NPAS3: variants seen among roughly 807,000 people sequenced by gnomAD.
NPAS3 encodes neuronal PAS domain-containing protein 3.
NPAS3 carries 14 observed loss-of-function variants against 73.1 expected under a neutral mutation model. That is an observed-to-expected ratio of 0.19 (90% CI 0.13 to 0.30). The LOEUF (loss-of-function observed/expected upper bound fraction) is 0.30. Among genes scored for constraint, NPAS3 ranks in the 10% least tolerant of loss-of-function variants. NPAS3 has a pLI of 1.00. For missense variants in NPAS3, 1,096 were observed against 1,250.0 expected (o/e 0.88, Z 1.86); for synonymous variants, 620 against 541.5 (o/e 1.14, Z -2.01).
At chr14:33,176,125 G>A (rs2045581038) in intron 2 of NPAS3, among the ~76,000 whole-genome samples, 1 of 152,126 alleles carries the variant, frequency 6.6e-6, no homozygotes, top group Non-Finnish European at 1.5e-5. Flanking sequence ...TACACTATTA[G>A]TGAAGTCAAA....
At chr14:33,646,527 C>A (rs781202294) in intron 5 of NPAS3, among the ~76,000 whole-genome samples, 2 of 152,194 alleles carry the variant, frequency 1.3e-5, no homozygotes, top group East Asian at 3.9e-4. Context: ...ATATGAGTAA[C>A]GATGAAATTA....
In NPAS3 at chr14:32,987,226, A is replaced by ATTT. The variant is rs201588607; in HGVS notation, c.50+47876_50+47878dup. 9.1e-3 allele frequency among the ~76,000 whole-genome samples: 1,294 copies of ATTT among 141,902 alleles called. 22 individuals carry two copies. Among genetic ancestry groups the ATTT allele is most frequent in the African/African-American group, 0.03 (1,152 of 38,362 alleles). 93.1% of individuals were successfully genotyped at this position (141,902 alleles called of 152,430 possible). On this transcript the variant is annotated intron_variant, in intron 1 of 11. Transcript: ENST00000356141. The stretch of plus-strand genomic sequence containing the variant: ...TAAAAATACACAAGTTTGTGTCAGA[A>ATTT]TTTTTTTTTTTTTTTTTTAGTGAAT...
chr14:33,425,298 G>A (rs79419206), intron 4 of NPAS3, among the ~76,000 whole-genome samples: 7,496 of 152,068 alleles, frequency 0.049, 285 homozygotes, highest in East Asian at 0.15. Flanking sequence ...AAATGAATGA[G>A]TGAAATAGAG....
In NPAS3 at chr14:33,314,830, T is replaced by TA. The variant is rs756118168; in HGVS notation, c.386-52350dup. ...TTGTGTTGAAAGAAAGCCTCTCTTT[T>TA]AAAAAAGAATAAAGAGTAATATTTC... is the stretch of plus-strand genomic sequence containing the variant. On this transcript the variant is annotated intron_variant, in intron 3 of 11. Coordinates refer to ENST00000356141, the Ensembl canonical transcript of NPAS3. Among the ~76,000 whole-genome samples the TA allele has an allele frequency of 3.9e-5, 6 of 152,040 alleles. 1 individual carries two copies. In the East Asian group the frequency reaches 9.7e-4, roughly 24 times the overall value.
intron 4 of NPAS3, among the ~76,000 whole-genome samples, chr14:33,413,562 A>T (rs750471043): frequency 2.0e-5 from 3 of 152,128 alleles, no homozygotes; most frequent in Non-Finnish European, 2.9e-5. Flanking sequence ...AGCTGAGGAT[A>T]TGGAAGTAAC....
intron 3 of NPAS3, among the ~76,000 whole-genome samples, chr14:33,353,922 T>TTG (rs2045204966): frequency 6.6e-6 from 1 of 152,222 alleles, no homozygotes; most frequent in African/African-American, 2.4e-5. Flanking sequence ...GATCATTATG[T>TTG]TGTTTAAACA....
chr14:32,939,438 G>C, intron 1 of NPAS3, 72 bp downstream of exon 1: 1 of 470,878 alleles, frequency 2.1e-6, no homozygotes. Flanking sequence ...GCCGCCGAGG[G>C]CCCCTCTCCG....
At chr14:33,563,095 A>G (rs2055733808) in intron 5 of NPAS3, among the ~76,000 whole-genome samples, 1 of 152,222 alleles carries the variant, frequency 6.6e-6, no homozygotes, top group African/African-American at 2.4e-5. Context: ...AGACTTGTCC[A>G]GTGAAATTGT....
At position 33,792,420 on chromosome 14, in the gene NPAS3, G is replaced by A. The variant is rs563194007; in HGVS notation, c.1154-1477G>A. Among the ~76,000 whole-genome samples, 27 of 152,196 alleles carry A rather than the reference G, an allele frequency of 1.8e-4. No homozygotes were observed. The South Asian group carries it at 3.7e-3, about 21-fold the overall frequency. On this transcript the variant is annotated intron_variant, in intron 9 of 11. Coordinates refer to ENST00000356141, the Ensembl canonical transcript of NPAS3. ...TGCTGTGAGAAAAAAAAGGAGAATG[G>A]AAGAAAACCTTCCAAGTTTATATGT...
chr14:33,237,702 G>A (rs912860), intron 3 of NPAS3, among the ~76,000 whole-genome samples: 142,480 of 152,008 alleles, frequency 0.94, 66,937 homozygotes, highest in Non-Finnish European at 0.97. Context: ...ACATGCATAC[G>A]TATATATCTA....
intron 1 of NPAS3, among the ~76,000 whole-genome samples, chr14:33,015,147 C>A (rs2039346017): frequency 6.6e-6 from 1 of 152,134 alleles, no homozygotes; most frequent in Non-Finnish European, 1.5e-5. Flanking sequence ...TTCTGCTGAT[C>A]AATGTATTTA....
chr14:33,059,837 T>C (rs1157661381), intron 2 of NPAS3, among the ~76,000 whole-genome samples: 1 of 152,258 alleles, frequency 6.6e-6, no homozygotes, highest in Non-Finnish European at 1.5e-5. Flanking sequence ...GACAGGGTCT[T>C]GCTCTGTTGC....
At chr14:33,784,721 TTTTATTTA>T (rs1555333477) in intron 9 of NPAS3, among the ~76,000 whole-genome samples, 1,809 of 102,802 alleles carry the variant, frequency 0.018, 23 homozygotes, top group Middle Eastern at 0.037. Context: ...TTATTGTTAT[TTTTATTTA>T]TTTATTTATT....
At chr14:33,339,155 C>T (rs2044359510) in intron 3 of NPAS3, among the ~76,000 whole-genome samples, 2 of 152,094 alleles carry the variant, frequency 1.3e-5, no homozygotes, top group African/African-American at 4.8e-5. Context: ...TTCTGTTAGC[C>T]TGCCATTTAT....
At chr14:33,172,114 A>G (rs1380791234) in intron 2 of NPAS3, among the ~76,000 whole-genome samples, 1 of 152,204 alleles carries the variant, frequency 6.6e-6, no homozygotes, top group Non-Finnish European at 1.5e-5. Flanking sequence ...CTGATCACCC[A>G]CCACATAACA....
chr14:33,414,651 A>T (rs2048073037), intron 4 of NPAS3, among the ~76,000 whole-genome samples: 1 of 152,112 alleles, frequency 6.6e-6, no homozygotes, highest in Non-Finnish European at 1.5e-5. Context: ...GGGAGAATTT[A>T]ATTATTGATT....
intron 3 of NPAS3, among the ~76,000 whole-genome samples, chr14:33,278,258 T>G (rs963252311): frequency 1.3e-5 from 2 of 152,102 alleles, no homozygotes; most frequent in African/African-American, 4.8e-5. Flanking sequence ...GATGTGAATC[T>G]ATAGTAAGAT....
intron 1 of NPAS3, among the ~76,000 whole-genome samples, chr14:33,022,937 C>T (rs2039664236): frequency 6.6e-6 from 1 of 152,004 alleles, no homozygotes; most frequent in African/African-American, 2.4e-5. Context: ...TGTGACTTTG[C>T]CTTTCTGAGT....
At chr14:33,777,823 A>G (rs1249688055) in intron 8 of NPAS3, among the ~76,000 whole-genome samples, 1 of 152,216 alleles carries the variant, frequency 6.6e-6, no homozygotes, top group Non-Finnish European at 1.5e-5. Flanking sequence ...AGCCTGGAAG[A>G]GCTGCTGAAA....
Sources: allele counts gnomAD v4.1 joint callset (sites outside exome capture counted in the v4.1 genomes callset), GRCh38; gene constraint gnomAD v4.1.1; transcripts MANE v1.5; gene names NCBI Gene and HGNC (gene_info 2026-07-23, HGNC 2026-07-21).